RBPJ: variants seen among roughly 807,000 people sequenced by gnomAD.
RBPJ encodes recombination signal binding protein for immunoglobulin kappa J region.
Under a neutral mutation model 67.8 loss-of-function variants are expected in RBPJ, and 9 were observed. That is an observed-to-expected ratio of 0.13 (90% confidence interval 0.08 to 0.23). The LOEUF (loss-of-function observed/expected upper bound fraction) is 0.23, where lower values mean the gene tolerates loss of function less well. Among genes scored for constraint, RBPJ ranks in the 10% least tolerant of loss-of-function variants. The pLI, the probability that RBPJ is intolerant of heterozygous loss-of-function variation, is 1.00. For missense variants in RBPJ, 305 were observed against 595.6 expected, an observed-to-expected ratio of 0.51 and a Z score of 5.08; for synonymous variants, 198 against 203.3, an observed-to-expected ratio of 0.97 and a Z score of 0.22.
At chr4:26,130,663 A>G in the RBPJ span, among the ~76,000 whole-genome samples, 6 of 152,108 alleles carry the variant, frequency 3.9e-5, no homozygotes, top group East Asian at 5.8e-4. Flanking sequence ...CCTAAACTTC[A>G]ATGATCTACT....
chr4:26,216,740 T>G (rs540581561), intron 1 of RBPJ, among the ~76,000 whole-genome samples: 7 of 152,164 alleles, frequency 4.6e-5, no homozygotes, highest in African/African-American at 1.7e-4. Context: ...CTAGGCAACA[T>G]GGCAAAACCC....
intron 1 of RBPJ, among the ~76,000 whole-genome samples, chr4:26,275,297 A>G (rs1355171865): frequency 6.6e-6 from 1 of 152,196 alleles, no homozygotes; most frequent in African/African-American, 2.4e-5. Flanking sequence ...CATAAGCCCC[A>G]GATTCAAATC....
At chr4:26,273,496 C>T (rs951972413) in intron 1 of RBPJ, among the ~76,000 whole-genome samples, 1 of 152,188 alleles carries the variant, frequency 6.6e-6, no homozygotes, top group African/African-American at 2.4e-5. Flanking sequence ...GGATGAAGAT[C>T]TTTCCAGCTC....
At chr4:26,193,481 G>A (rs564612369) in intron 1 of RBPJ, among the ~76,000 whole-genome samples, 2 of 151,584 alleles carry the variant, frequency 1.3e-5, no homozygotes, top group South Asian at 2.1e-4. Context: ...TCTTTGTTTC[G>A]GTGTCAATTT....
intron 1 of RBPJ, among the ~76,000 whole-genome samples, chr4:26,204,786 G>A (rs1307951921): frequency 1.3e-5 from 2 of 152,222 alleles, no homozygotes. Flanking sequence ...CATACAAAGT[G>A]CTTAGCATAA....
At chr4:26,357,806 A>G (rs1015789706) in intron 1 of RBPJ, among the ~76,000 whole-genome samples, 2 of 152,124 alleles carry the variant, frequency 1.3e-5, no homozygotes, top group Non-Finnish European at 2.9e-5. Flanking sequence ...CACTTCATGT[A>G]AGTGGAATCA....
chr4:26,125,189 T>G, the RBPJ span, among the ~76,000 whole-genome samples: 1 of 152,190 alleles, frequency 6.6e-6, no homozygotes, highest in Admixed American at 6.5e-5. Context: ...CACACCTAGC[T>G]GCAAGGGTGG....
chr4:26,307,830 A>G (rs1338472223), intron 1 of RBPJ, among the ~76,000 whole-genome samples: 1 of 152,262 alleles, frequency 6.6e-6, no homozygotes, highest in Non-Finnish European at 1.5e-5. Flanking sequence ...TTAGTGAAAT[A>G]TTAACAATAC....
chr4:26,341,153 CACTCCAAAGTTTAAATGTGGTGAAATGAG>C (rs1267559599), intron 1 of RBPJ, among the ~76,000 whole-genome samples: 1 of 152,182 alleles, frequency 6.6e-6, no homozygotes, highest in Non-Finnish European at 1.5e-5. Context: ...ACATTCTGGA[CACTCCAAAGTTTAAATGTGGTGAAATGAG>C]AAAACACTAC....
At chr4:26,137,349 C>T in the RBPJ span, among the ~76,000 whole-genome samples, 1 of 152,210 alleles carries the variant, frequency 6.6e-6, no homozygotes, top group Admixed American at 6.5e-5. Context: ...TGATCCCACT[C>T]CCTACCCTCT....
At position 26,239,085 on chromosome 4, in the gene RBPJ, C is replaced by T. The variant is rs1467088; in HGVS notation, c.-167+75471C>T. 6.3e-3 allele frequency among the ~76,000 whole-genome samples: 953 copies of T among 152,278 alleles called. 16 individuals carry two copies. The highest frequency in any genetic ancestry group is 0.022 in the African/African-American group (895 of 41,550). On this transcript the variant is annotated intron_variant, in intron 1 of 4. Coordinates refer to the RBPJ transcript ENST00000512351. ...ACCCCCACACACACCACCAAAGCAA[C>T]GACTGCTCAGATAATAGCCTAACTT...
intron 1 of RBPJ, among the ~76,000 whole-genome samples, chr4:26,239,234 C>A (rs1567541): frequency 0.051 from 7,804 of 152,282 alleles, 280 homozygotes; most frequent in East Asian, 0.12. Flanking sequence ...GGTTTTGTAT[C>A]CCAGCCAAGT....
At chr4:26,285,342 TTATC>T (rs1268884064) in intron 1 of RBPJ, among the ~76,000 whole-genome samples, 1 of 140,458 alleles carries the variant, frequency 7.1e-6, no homozygotes, top group African/African-American at 2.6e-5. Flanking sequence ...CTCCATTCAG[TTATC>T]TATTAGGGCA....
rs570471690 is a variant in RBPJ, at chr4:26,394,112, G to A, written c.59+7721G>A. Among the ~76,000 whole-genome samples the A allele has an allele frequency of 9.3e-5, 14 of 150,958 alleles. No individual in the cohort carries two copies. In the East Asian group the frequency reaches 2.4e-3, roughly 25 times the overall value. ...CGCGATCTCTGCTCATTGCAAGCTC[G>A]GCTTCCCGGGTTCGCGCCATTCTCC... On this transcript the variant is annotated intron_variant, in intron 2 of 10. Transcript: ENST00000355476.
At chr4:26,335,388 G>C (rs926896954) in intron 1 of RBPJ, among the ~76,000 whole-genome samples, 1 of 151,892 alleles carries the variant, frequency 6.6e-6, no homozygotes, top group South Asian at 2.1e-4. Flanking sequence ...CACCATGTTG[G>C]CCAGGATGGT....
intron 1 of RBPJ, among the ~76,000 whole-genome samples, chr4:26,263,412 G>T (rs558211621): frequency 6.6e-5 from 10 of 150,992 alleles, no homozygotes; most frequent in African/African-American, 2.2e-4. Flanking sequence ...GAAATGTAGT[G>T]CAGCTATCTA....
chr4:26,344,073 G>T (rs977626938), intron 1 of RBPJ, among the ~76,000 whole-genome samples: 1 of 151,086 alleles, frequency 6.6e-6, no homozygotes, highest in African/African-American at 2.4e-5. Context: ...TAGTAGAGAT[G>T]GCATTTTGCC....
At chr4:26,349,889 G>C (rs1452970618) in intron 1 of RBPJ, among the ~76,000 whole-genome samples, 1 of 152,184 alleles carries the variant, frequency 6.6e-6, no homozygotes, top group Non-Finnish European at 1.5e-5. Context: ...TGAATGTCTT[G>C]TGTGATGGAA....
At chr4:26,181,154 A>G (rs1244175209) in intron 1 of RBPJ, among the ~76,000 whole-genome samples, 1 of 152,178 alleles carries the variant, frequency 6.6e-6, no homozygotes, top group Non-Finnish European at 1.5e-5. Flanking sequence ...TGTCTTTATT[A>G]GCAGCGTTGG....
Sources: allele counts gnomAD v4.1 joint callset (sites outside exome capture counted in the v4.1 genomes callset), GRCh38; gene constraint gnomAD v4.1.1; transcripts MANE v1.5; gene names NCBI Gene and HGNC (gene_info 2026-07-23, HGNC 2026-07-21).